Variants in PCDHGA9 observed in about 807,000 individuals in gnomAD.
PCDHGA9 encodes protocadherin gamma subfamily A, 9.
In PCDHGA9, 37 loss-of-function variants were observed where a neutral mutation model predicts 62.5. That is an observed-to-expected ratio of 0.59 (90% CI 0.46 to 0.78). The LOEUF (loss-of-function observed/expected upper bound fraction) is 0.78. Ranked by LOEUF, PCDHGA9 falls within the 30% of genes least tolerant of loss-of-function variation. The probability of loss-of-function intolerance (pLI) is 0.00; values close to 1 mark genes in which losing one functional copy is unlikely to be tolerated. For missense variants in PCDHGA9, 1,138 were observed against 1,166.2 expected (o/e 0.98, Z 0.35); for synonymous variants, 459 against 484.6 (o/e 0.95, Z 0.69).
At chr5:141,409,916 T>C (rs762510018) in intron 1 of PCDHGA9, 3 of 1,613,298 alleles carry the variant, frequency 1.9e-6, no homozygotes, top group Non-Finnish European at 2.5e-6. Flanking sequence ...TCCTGACGGC[T>C]CCGCGTTCTT....
intron 1 of PCDHGA9, chr5:141,430,735 A>T (rs1255723102): frequency 6.7e-7 from 1 of 1,497,964 alleles, no homozygotes; most frequent in Non-Finnish European, 8.9e-7. Context: ...GGCAGAATTG[A>T]AAATAATTCT....
intron 1 of PCDHGA9, chr5:141,417,664 C>T: frequency 1.1e-6 from 1 of 911,118 alleles, no homozygotes; most frequent in Non-Finnish European, 1.6e-6. Context: ...CTGGGATTCC[C>T]TGCGCAGCCA....
At chr5:141,430,484 C>T (rs894612928) in intron 1 of PCDHGA9, 2 of 256,238 alleles carry the variant, frequency 7.8e-6, no homozygotes, top group African/African-American at 4.4e-5. Context: ...GATATAAAAA[C>T]GAAATATCCT....
intron 2 of PCDHGA9, among the ~76,000 whole-genome samples, chr5:141,495,233 A>G (rs1226612093): frequency 1.3e-5 from 2 of 152,196 alleles, no homozygotes; most frequent in African/African-American, 4.8e-5. Flanking sequence ...GCTGGGCTCC[A>G]TTATGACCTG....
At chr5:141,409,192 G>A in intron 1 of PCDHGA9, 4 of 1,614,000 alleles carry the variant, frequency 2.5e-6, no homozygotes, top group Non-Finnish European at 3.4e-6. Context: ...TCTCTACCCA[G>A]TGTAAAGTAA....
Position 141,404,965 on chromosome 5 carries a change from C to A in PCDHGA9, c.2013C>A (p.Ile671=). The A allele has an allele frequency of 6.2e-7, 1 of 1,614,030 alleles. No individual in the cohort carries two copies. The highest frequency in any genetic ancestry group is 8.5e-7 in the Non-Finnish European group (1 of 1,179,900). ...TVAIADSIPD[I]LADLGSLQIP... ...CCATAGCTGACAGCATCCCAGACAT[C>A]CTGGCTGACCTGGGCAGTCTTCAGA... is the stretch of plus-strand genomic sequence containing the variant. The change falls in exon 1 of 4, where the codon ATC becomes ATA. Residue 671 remains isoleucine, a synonymous_variant. Coordinates refer to ENST00000573521, the MANE Select transcript of PCDHGA9 (RefSeq NM_018921.3).
Position 141,419,681 on chromosome 5 carries a change from G to A in PCDHGA9, c.2424+14305G>A, listed in dbSNP as rs377117997. ...GCACAATGCCTGGCTGTCCTACCACGTGGTGCAGGCCAGTGAGCCCGGGCT... is the reference window on the plus strand; with the variant it reads ...GCACAATGCCTGGCTGTCCTACCACATGGTGCAGGCCAGTGAGCCCGGGCT... On this transcript the variant is annotated intron_variant, in intron 1 of 3. Coordinates refer to ENST00000573521, the MANE Select transcript of PCDHGA9 (RefSeq NM_018921.3). 76 of 1,612,904 alleles carry A rather than the reference G, an allele frequency of 4.7e-5. No homozygotes were observed. The highest frequency in any genetic ancestry group is 5.7e-5 in the Non-Finnish European group (67 of 1,179,706).
chr5:141,494,784 C>T, intron 1 of PCDHGA9, 23 bp from the exon 2 acceptor site: 1 of 1,614,110 alleles, frequency 6.2e-7, no homozygotes, highest in Non-Finnish European at 8.5e-7. Flanking sequence ...TACTCAGCCC[C>T]TTTCCCTCTG....
rs1272109802 is a variant in PCDHGA9 at position 141,403,110 on chromosome 5, C to G, written c.158C>G (p.Ala53Gly). The G allele has an allele frequency of 6.2e-7, 1 of 1,614,084 alleles. No individual in the cohort carries two copies. The highest frequency in any genetic ancestry group is 1.7e-5 in the Admixed American group (1 of 60,032). The stretch of plus-strand genomic sequence containing the variant: ...GTGGGCAACATCTCCAAGGACCTGG[C>G]TCTGGAGCCCCGGGAGCTGGCGGAG... ...YIVGNISKDL[A>G]LEPRELAERR... is the part of the protein sequence containing the mutation. Residue 53 changes from alanine to glycine, a missense_variant, in exon 1 of 4, where the codon GCT becomes GGT. Transcript: ENST00000573521.
chr5:141,409,750 G>T, intron 1 of PCDHGA9: 1 of 1,613,016 alleles, frequency 6.2e-7, no homozygotes, highest in South Asian at 1.1e-5. Context: ...TGGTGTTCGC[G>T]CAGCGCGCCT....
At chr5:141,451,673 G>A (rs912482749) in intron 1 of PCDHGA9, among the ~76,000 whole-genome samples, 4 of 152,164 alleles carry the variant, frequency 2.6e-5, no homozygotes, top group African/African-American at 7.2e-5. Context: ...CTTGAGCCCA[G>A]GAGTTCAAGA....
chr5:141,405,974 A>T (rs1194827537), intron 1 of PCDHGA9, among the ~76,000 whole-genome samples: 1 of 152,002 alleles, frequency 6.6e-6, no homozygotes, highest in Non-Finnish European at 1.5e-5. Context: ...AACGTAAACC[A>T]TACTTCATGG....
chr5:141,486,734 C>G lies in PCDHGA9; in HGVS notation c.2425-8073C>G, dbSNP rs2099634292. On this transcript the variant is annotated intron_variant, in intron 1 of 3. Transcript: ENST00000573521. This position sits in a 1 kb window ranked among gnomAD's most constrained non-coding sequence, Gnocchi z 5.0. ...CCAGACAGGAGCTGTTCATGCTACT[C>G]GATCCTTTGACTATGAGCAAACCCA... 6.2e-7 allele frequency: 1 copy of G among 1,614,070 alleles called. No individual in the cohort carries two copies. The highest frequency in any genetic ancestry group is 1.7e-5 in the Admixed American group (1 of 60,000).
intron 1 of PCDHGA9, among the ~76,000 whole-genome samples, chr5:141,443,486 A>AAAAC (rs1345310906): frequency 6.6e-6 from 1 of 152,166 alleles, no homozygotes; most frequent in Non-Finnish European, 1.5e-5. Flanking sequence ...ACCCTGTCCC[A>AAAAC]AAACAAACAA....
In PCDHGA9 at chr5:141,428,860, CTT is replaced by C. The variant is rs34152666; in HGVS notation, c.2424+23496_2424+23497del. On this transcript the variant is annotated intron_variant, in intron 1 of 3. Transcript: ENST00000573521. The stretch of plus-strand genomic sequence containing the variant: ...ACATTTTCACCATTTTTACGGGAGA[CTT>C]TTTTTTTTTTTGGACGGAGTCTCGC... The C allele has an allele frequency of 7.4e-3, 1,070 of 145,506 alleles. 4 individuals carry two copies. Among genetic ancestry groups the C allele is most frequent in the South Asian group, 0.018 (82 of 4,566 alleles). 9.0% of individuals were successfully genotyped at this position (145,506 alleles called of 1,614,324 possible).
At position 141,431,735 on chromosome 5, in the gene PCDHGA9, G is replaced by A. The variant is rs2097411908; in HGVS notation, c.2424+26359G>A. 1.2e-6 allele frequency: 2 copies of A among 1,614,118 alleles called. No homozygotes were observed. Among genetic ancestry groups the A allele is most frequent in the Non-Finnish European group, 1.7e-6 (2 of 1,180,056 alleles). On this transcript the variant is annotated intron_variant, in intron 1 of 3. Transcript: ENST00000573521. The surrounding 1 kb of genome is among the most constrained non-coding windows in gnomAD (Gnocchi z 4.8). ...GGAAGTGCAAGCAATGGATAATGCAGGATATTCTGCGCGAGCCAAAGTCCT... is the reference window on the plus strand; with the variant it reads ...GGAAGTGCAAGCAATGGATAATGCAAGATATTCTGCGCGAGCCAAAGTCCT...
In PCDHGA9 at chr5:141,418,449, A is replaced by G. The variant is rs781224972; in HGVS notation, c.2424+13073A>G. ...GGCAAATATCCAGAATTAGTATTGC[A>G]GAAGACTCTGGACCGAGAAACGCAG... On this transcript the variant is annotated intron_variant, in intron 1 of 3. Coordinates refer to ENST00000573521, the MANE Select transcript of PCDHGA9 (RefSeq NM_018921.3). 8.1e-6 allele frequency: 13 copies of G among 1,613,922 alleles called. No homozygotes were observed. The Admixed American group carries it at 1.2e-4, about 14-fold the overall frequency.
intron 1 of PCDHGA9, chr5:141,417,801 G>A (rs368563336): frequency 1.3e-6 from 2 of 1,490,494 alleles, no homozygotes; most frequent in South Asian, 1.4e-5. Context: ...CTTTTAGCGC[G>A]GTAGAGTGCA....
intron 1 of PCDHGA9, among the ~76,000 whole-genome samples, chr5:141,456,483 CTTAATA>C (rs2098861684): frequency 1.3e-5 from 2 of 152,072 alleles, no homozygotes; most frequent in African/African-American, 4.8e-5. Context: ...CAAGAGAGTG[CTTAATA>C]AAGGGGTTAA....
Sources: gnomAD v4.1 joint callset for allele counts (sites outside exome capture counted in the v4.1 genomes callset) on GRCh38, gnomAD v4.1.1 for gene constraint, Gnocchi (gnomAD v3.1) non-coding constraint, MANE v1.5 for transcripts, NCBI Gene and HGNC (gene_info 2026-07-23, HGNC 2026-07-21) for gene names.